Variants in PPCS observed in about 807,000 individuals in gnomAD.
The protein encoded by PPCS is phosphopantothenoylcysteine synthetase, also known as phosphopantothenate--cysteine ligase.
In PPCS, 17 loss-of-function variants were observed where a neutral mutation model predicts 24.6. The observed-to-expected ratio is 0.69, with a 90% confidence interval of 0.47 to 1.04. PPCS has a LOEUF of 1.04. PPCS is among the 50% of genes least tolerant of loss of function. PPCS has a pLI of 0.00. For synonymous variants in PPCS, 190 were observed against 168.3 expected (o/e 1.13, Z -1.00); for missense variants, 360 against 402.8 (o/e 0.89, Z 0.91).
At chr1:42,457,198 C>T in intron 1 of PPCS, 49 bp from the exon 2 acceptor site, 2 of 1,611,662 alleles carry the variant, frequency 1.2e-6, no homozygotes, top group Non-Finnish European at 1.7e-6. Flanking sequence ...GGAGCTGATC[C>T]TATATCGTAC....
intron 2 of PPCS, among the ~76,000 whole-genome samples, chr1:42,472,228 G>A (rs1309143482): frequency 2.0e-5 from 3 of 152,110 alleles, no homozygotes; most frequent in Admixed American, 6.5e-5. Context: ...ACTCCAGCCT[G>A]GGCAACAGAG....
downstream of PPCS, among the ~76,000 whole-genome samples, chr1:42,465,879 T>A (rs1643563552): frequency 6.6e-6 from 1 of 152,204 alleles, no homozygotes; most frequent in African/African-American, 2.4e-5. Context: ...AGAAACTCTG[T>A]CTTAACACAT....
chr1:42,473,020 T>C, intron 2 of PPCS: 1 of 1,076,576 alleles, frequency 9.3e-7, no homozygotes, highest in South Asian at 4.8e-5. Context: ...TAAAGACTAG[T>C]ACTCTAATAA....
rs1643397235 is a variant in PPCS, at chr1:42,461,025, T to C, written c.*1099T>C. 6.6e-6 allele frequency among the ~76,000 whole-genome samples: 1 copy of C among 152,236 alleles called. No homozygotes were observed. The highest frequency in any genetic ancestry group is 1.9e-4 in the East Asian group (1 of 5,194). Reference sequence around the variant, plus strand: ...GGTTTGGAGTGCACAAGTAGCATAGTGCAAAAAAATTCCCTAAATGATCTG... The same window carrying C: ...GGTTTGGAGTGCACAAGTAGCATAGCGCAAAAAAATTCCCTAAATGATCTG... On this transcript the variant is annotated 3_prime_UTR_variant, in exon 3 of 3. Coordinates refer to ENST00000372561, the MANE Select transcript of PPCS (RefSeq NM_024664.4).
downstream of PPCS, chr1:42,463,937 A>G (rs945156481): frequency 6.6e-6 from 1 of 151,816 alleles, no homozygotes; most frequent in Non-Finnish European, 1.5e-5. Flanking sequence ...AACTTTTTCC[A>G]CTTCTCTCAT....
Position 42,456,605 on chromosome 1 carries a change from C to T in PPCS, c.40C>T (p.Pro14Ser), listed in dbSNP as rs2148414837. The T allele has an allele frequency of 6.6e-7, 1 of 1,522,800 alleles. No individual in the cohort carries two copies. Among genetic ancestry groups the T allele is most frequent in the South Asian group, 1.3e-5 (1 of 77,418 alleles). 94.3% of individuals were successfully genotyped at this position (1,522,800 alleles called of 1,614,324 possible). The part of the protein sequence containing the change: ...MDPVAEFPQP[P>S]GAARWAEVMA... Reference sequence around the variant, plus strand: ...TCCGGTAGCCGAGTTCCCCCAGCCTCCCGGTGCTGCGCGCTGGGCTGAGGT... The same window carrying T: ...TCCGGTAGCCGAGTTCCCCCAGCCTTCCGGTGCTGCGCGCTGGGCTGAGGT... The change falls in exon 1 of 3, where the codon CCC (proline) becomes TCC (serine). Residue 14 changes from proline (P) to serine (S), a missense_variant. Physicochemically the swap from Pro to Ser is moderately conservative, Grantham distance 74 (BLOSUM62 -1). Transcript: ENST00000372561.
chr1:42,471,492 C>A (rs1643769917), intron 2 of PPCS, among the ~76,000 whole-genome samples: 1 of 152,064 alleles, frequency 6.6e-6, no homozygotes, highest in South Asian at 2.1e-4. Flanking sequence ...TTGCATTGTG[C>A]TTTTTCTCTT....
intron 2 of PPCS, among the ~76,000 whole-genome samples, chr1:42,471,537 T>C (rs1356825674): frequency 6.6e-6 from 1 of 152,234 alleles, no homozygotes. Flanking sequence ...TTTTTCCATA[T>C]TGCCAAATAG....
intron 2 of PPCS, among the ~76,000 whole-genome samples, chr1:42,470,490 G>T (rs537824068): frequency 4.1e-4 from 62 of 152,224 alleles, no homozygotes; most frequent in Admixed American, 1.7e-3. Context: ...TGAAAACAGG[G>T]ATTCAAATAC....
At chr1:42,461,337 AC>A (rs1044122238), downstream of PPCS, among the ~76,000 whole-genome samples, 1 of 152,166 alleles carries the variant, frequency 6.6e-6, no homozygotes, top group African/African-American at 2.4e-5. Context: ...GTCCCTTTGA[AC>A]AAAAAAATTT....
Position 42,456,587 on chromosome 1 carries a change from G to A in PPCS, c.22G>A (p.Ala8Thr), listed in dbSNP as rs777660196. The A allele has an allele frequency of 4.0e-6, 6 of 1,498,164 alleles. No homozygotes were observed. The East Asian group carries it at 1.4e-4, about 35-fold the overall frequency. The allele number at this position is 1,498,164 out of a possible 1,614,324, so 92.8% of individuals were successfully genotyped here. Residue 8 changes from alanine (A) to threonine (T), a missense_variant, in exon 1 of 3, where the codon GCC becomes ACC. Physicochemically the swap from Ala to Thr is moderately conservative, Grantham distance 58. This residue lies in a region of PPCS where 244 missense variants were observed against 234.7 expected (regional missense o/e 1.04). Coordinates refer to ENST00000372561, the MANE Select transcript of PPCS (RefSeq NM_024664.4). MAEMDPVAEFPQPPGAAR... is the reference protein window; with the variant it reads MAEMDPVTEFPQPPGAAR... Reference sequence around the variant, plus strand: ...GCAGATGGCGGAAATGGATCCGGTAGCCGAGTTCCCCCAGCCTCCCGGTGC... The same window carrying A: ...GCAGATGGCGGAAATGGATCCGGTAACCGAGTTCCCCCAGCCTCCCGGTGC...
intron 2 of PPCS, among the ~76,000 whole-genome samples, chr1:42,472,514 T>G (rs529364423): frequency 2.0e-5 from 3 of 152,096 alleles, no homozygotes; most frequent in Non-Finnish European, 4.4e-5. Context: ...CTCTCTAGCT[T>G]CCAGAGGAAT....
intron 2 of PPCS, among the ~76,000 whole-genome samples, chr1:42,469,598 G>T (rs1051187636): frequency 1.3e-5 from 2 of 152,146 alleles, no homozygotes; most frequent in East Asian, 3.8e-4. Context: ...GGAACATACA[G>T]AAAAGAAAAT....
At chr1:42,456,479 A>C, upstream of PPCS, 1 of 1,367,468 alleles carries the variant, frequency 7.3e-7, no homozygotes, top group Non-Finnish European at 9.6e-7. Flanking sequence ...CCCACTCAGT[A>C]CGGCGCGGCG....
rs767261512 is a variant in PPCS at position 42,456,582 on chromosome 1, C to T, written c.17C>T (p.Pro6Leu). 3.5e-5 allele frequency: 52 copies of T among 1,492,226 alleles called. No individual in the cohort carries two copies. Among genetic ancestry groups the T allele is most frequent in the Non-Finnish European group, 4.4e-5 (49 of 1,122,878 alleles). The allele number at this position is 1,492,226 out of a possible 1,614,324, so 92.4% of individuals were successfully genotyped here. A position where few individuals can be genotyped will look rare whatever the true frequency, so the allele number is the denominator to read the frequency against. Residue 6 changes from proline (P) to leucine (L), a missense_variant, in exon 1 of 3, where the codon CCG becomes CTG. Pro to Leu is a moderately conservative substitution (Grantham distance 98, BLOSUM62 -3). Coordinates refer to ENST00000372561, the MANE Select transcript of PPCS (RefSeq NM_024664.4). Reference protein sequence around the residue: MAEMDPVAEFPQPPGA... With the variant: MAEMDLVAEFPQPPGA... ...GCGCTGCAGATGGCGGAAATGGATC[C>T]GGTAGCCGAGTTCCCCCAGCCTCCC... is the stretch of plus-strand genomic sequence containing the variant.
intron 2 of PPCS, among the ~76,000 whole-genome samples, chr1:42,472,452 TAA>T (rs1268927981): frequency 1.3e-5 from 2 of 152,178 alleles, no homozygotes. Flanking sequence ...ACATAAATTA[TAA>T]GACATATTCT....
At chr1:42,466,700 C>T (rs993724423) in intron 2 of PPCS, among the ~76,000 whole-genome samples, 9 of 151,762 alleles carry the variant, frequency 5.9e-5, no homozygotes, top group Non-Finnish European at 8.8e-5. Flanking sequence ...TACAGGCACC[C>T]GCCACCATGC....
At chr1:42,464,623 G>C (rs547472176), downstream of PPCS, among the ~76,000 whole-genome samples, 2 of 152,364 alleles carry the variant, frequency 1.3e-5, no homozygotes, top group South Asian at 4.1e-4. Context: ...GGCTGGAACA[G>C]AGGGCCTTAA....
At chr1:42,457,412 C>G (rs1643249243) in intron 2 of PPCS, 62 bp downstream of exon 2, 2 of 1,438,474 alleles carry the variant, frequency 1.4e-6, no homozygotes, top group Non-Finnish European at 2.0e-6. Context: ...TTAATTTCCT[C>G]TTGATCTGGA....
Sources: gnomAD v4.1 joint callset for allele counts (sites outside exome capture counted in the v4.1 genomes callset) on GRCh38, gnomAD v4.1.1 for gene constraint, gnomAD v4.1.1 regional missense constraint, MANE v1.5 for transcripts, NCBI Gene and HGNC (gene_info 2026-07-23, HGNC 2026-07-21) for gene names.